The following HIPK2 variants were observed in gnomAD, a reference collection of about 807,000 sequenced individuals.
HIPK2 encodes the protein homeodomain interacting protein kinase 2.
In HIPK2, 27 loss-of-function variants were observed where a neutral mutation model predicts 113.7. The ratio of observed to expected loss-of-function variants is 0.24; its 90% CI spans 0.17 to 0.33. The LOEUF is 0.33. Ranked by LOEUF, HIPK2 falls within the 10% of genes least tolerant of loss-of-function variation. The pLI is 1.00. For missense variants in HIPK2, 1,257 were observed against 1,588.0 expected (o/e 0.79, Z 3.54); for synonymous variants, 631 against 642.2 (o/e 0.98, Z 0.26).
At chr7:139,611,529 A>G (rs1412409687) in intron 9 of HIPK2, among the ~76,000 whole-genome samples, 1 of 152,144 alleles carries the variant, frequency 6.6e-6, no homozygotes, top group Non-Finnish European at 1.5e-5. Flanking sequence ...AAACATGATA[A>G]AGTGTTTCTA....
intron 2 of HIPK2, among the ~76,000 whole-genome samples, chr7:139,662,214 G>A (rs1282562446): frequency 2.0e-5 from 3 of 152,108 alleles, no homozygotes; most frequent in Non-Finnish European, 4.4e-5. Flanking sequence ...TCCAGCCAGC[G>A]GCACCACTCT....
chr7:139,608,544 TC>T (rs1403005298), intron 9 of HIPK2, among the ~76,000 whole-genome samples: 3 of 151,972 alleles, frequency 2.0e-5, no homozygotes, highest in Non-Finnish European at 4.4e-5. Flanking sequence ...AAAAATAACT[TC>T]CCCAAAGCCA....
intron 13 of HIPK2, among the ~76,000 whole-genome samples, chr7:139,575,941 A>G (rs559621586): frequency 1.2e-4 from 19 of 152,316 alleles, no homozygotes; most frequent in Admixed American, 3.9e-4. Context: ...CTGTTCTTGG[A>G]CTTCCAGTCT....
At position 139,715,947 on chromosome 7, in the gene HIPK2, T is replaced by C. The variant is rs1308418473; in HGVS notation, c.1088A>G (p.Gln363Arg). 1 of 1,614,008 alleles carries C rather than the reference T, an allele frequency of 6.2e-7. No individual in the cohort carries two copies. Residue 363 changes from glutamine (Q) to arginine (R), a missense_variant, in exon 2 of 15, where the codon CAG becomes CGG. Coordinates refer to ENST00000406875, the MANE Select transcript of HIPK2 (RefSeq NM_022740.5). ...VSKAVCSTYLQSRYYRAPEII... is the reference protein window; with the variant it reads ...VSKAVCSTYLRSRYYRAPEII... The stretch of plus-strand genomic sequence containing the variant: ...ACGGTCTTACCTGTAATATCTGGAC[T>C]GCAAGTAGGTGGAGCACACAGCCTT...
rs1457025151 is a variant in HIPK2, at chr7:139,570,576, T to C, written c.*2351A>G. On this transcript the variant is annotated 3_prime_UTR_variant, in exon 15 of 15. Transcript: ENST00000406875. Reference sequence around the variant, plus strand: ...GTTTCCAGTTTGGGGACCTGTTTCTTTATAAGTAAGAATTTATGGTTGGGG... The same window carrying C: ...GTTTCCAGTTTGGGGACCTGTTTCTCTATAAGTAAGAATTTATGGTTGGGG... The C allele has an allele frequency of 6.6e-6, 1 of 152,276 alleles. No homozygotes were observed. Among genetic ancestry groups the C allele is most frequent in the African/African-American group, 2.4e-5 (1 of 41,444 alleles). The allele number at this position is 152,276 out of a possible 1,614,324, so 9.4% of individuals were successfully genotyped here.
At chr7:139,772,272 C>T (rs1182451552) in intron 1 of HIPK2, among the ~76,000 whole-genome samples, 5 of 152,166 alleles carry the variant, frequency 3.3e-5, no homozygotes, top group Non-Finnish European at 5.9e-5. Flanking sequence ...CTCAGCCAGG[C>T]GAAAAGGCTG....
Position 139,622,471 on chromosome 7 carries a change from A to C in HIPK2, c.1620-1908T>G, listed in dbSNP as rs372798027. ...TTGGTTTCGTGACAATTCAACACAAAATTTCCATACCCCTTCAGAATTTTC... is the reference window on the plus strand; with the variant it reads ...TTGGTTTCGTGACAATTCAACACAACATTTCCATACCCCTTCAGAATTTTC... On this transcript the variant is annotated intron_variant, in intron 6 of 14. Transcript: ENST00000406875. Among the ~76,000 whole-genome samples, 3 of 152,294 alleles carry C rather than the reference A, an allele frequency of 2.0e-5. No individual in the cohort carries two copies. In the South Asian group the frequency reaches 6.2e-4, roughly 32 times the overall value.
At position 139,630,365 on chromosome 7, in the gene HIPK2, C is replaced by T. The variant is rs569860310; in HGVS notation, c.1347+800G>A. Among the ~76,000 whole-genome samples the T allele has an allele frequency of 3.0e-4, 45 of 152,220 alleles. No homozygotes were observed. The highest frequency in any genetic ancestry group is 1.0e-3 in the African/African-American group (43 of 41,546). Reference sequence around the variant, plus strand: ...TAACCCCCATCACCCCAGCCGCCACCCCACACTTCTATACTGGGCAAACCC... The same window carrying T: ...TAACCCCCATCACCCCAGCCGCCACTCCACACTTCTATACTGGGCAAACCC... On this transcript the variant is annotated intron_variant, in intron 4 of 14. Transcript: ENST00000406875. The surrounding 1 kb of genome is among the most constrained non-coding windows in gnomAD (Gnocchi z 4.0).
chr7:139,683,461 A>G lies in HIPK2; in HGVS notation c.1103+32471T>C, dbSNP rs963877995. ...AGCTCCTCCCTACGGGGGCCTCCAC[A>G]GGACTGCTCACAACACGGGAGCCAA... On this transcript the variant is annotated intron_variant, in intron 2 of 14. Transcript: ENST00000406875. This position sits in a 1 kb window ranked among gnomAD's most constrained non-coding sequence, Gnocchi z 4.2. Among the ~76,000 whole-genome samples, 3 of 152,190 alleles carry G rather than the reference A, an allele frequency of 2.0e-5. No individual in the cohort carries two copies. Among genetic ancestry groups the G allele is most frequent in the African/African-American group, 7.2e-5 (3 of 41,442 alleles).
intron 9 of HIPK2, among the ~76,000 whole-genome samples, chr7:139,604,683 CAAAAAAAAAAAAAA>C (rs11353760): frequency 9.2e-4 from 45 of 48,806 alleles, no homozygotes; most frequent in Middle Eastern, 0.014. Context: ...GACTCCGTCT[CAAAAAAAAAAAAAA>C]AAAAAAAAAA....
At chr7:139,743,041 T>G (rs1429245332) in intron 1 of HIPK2, among the ~76,000 whole-genome samples, 1 of 152,088 alleles carries the variant, frequency 6.6e-6, no homozygotes, top group Non-Finnish European at 1.5e-5. Flanking sequence ...TGGAGGACAG[T>G]CTAGGTGGGA....
intron 2 of HIPK2, 110 bp downstream of exon 2, chr7:139,715,822 C>T (rs374867837): frequency 1.4e-6 from 2 of 1,417,626 alleles, no homozygotes. Context: ...CACTTGAAGG[C>T]AGGAACTGTA....
At chr7:139,764,913 A>G (rs944461753) in intron 1 of HIPK2, among the ~76,000 whole-genome samples, 1 of 152,198 alleles carries the variant, frequency 6.6e-6, no homozygotes, top group African/African-American at 2.4e-5. Flanking sequence ...AGGCAGGTGG[A>G]TCACCTGAAG....
rs934381100 is a variant in HIPK2 at position 139,564,278 on chromosome 7, T to C, written c.*8649A>G. ...GGAATAGGGGTATATGGTCCTCCCC[T>C]ACAAAACGCTGATCAAAATATCACC... On this transcript the variant is annotated 3_prime_UTR_variant, in exon 15 of 15. Transcript: ENST00000406875. 1.4e-5 allele frequency: 3 copies of C among 219,452 alleles called. No individual in the cohort carries two copies. The highest frequency in any genetic ancestry group is 5.8e-5 in the Admixed American group (1 of 17,280). 13.6% of individuals were successfully genotyped at this position (219,452 alleles called of 1,614,324 possible).
chr7:139,764,998 T>C (rs1333333376), intron 1 of HIPK2, among the ~76,000 whole-genome samples: 1 of 151,700 alleles, frequency 6.6e-6, no homozygotes, highest in Non-Finnish European at 1.5e-5. Context: ...TAGCCGGGCA[T>C]GGTGGCGGGT....
chr7:139,653,469 G>A (rs142045479), intron 2 of HIPK2, among the ~76,000 whole-genome samples: 144 of 150,966 alleles, frequency 9.5e-4, no homozygotes, highest in African/African-American at 3.2e-3. Context: ...CCGCCATCTC[G>A]TATGGTAAAA....
chr7:139,777,500 G>T, intron 1 of HIPK2, 105 bp downstream of exon 1: 1 of 350,828 alleles, frequency 2.9e-6, no homozygotes, highest in Non-Finnish European at 4.1e-6. Flanking sequence ...GGTGGGGGCT[G>T]GGGCAGGCGC....
intron 14 of HIPK2, 131 bp from the exon 15 acceptor site, chr7:139,573,528 T>A: frequency 1.2e-6 from 1 of 836,442 alleles, no homozygotes. Flanking sequence ...GGGGCTTCCC[T>A]CTGTGTGTTG....
At position 139,631,304 on chromosome 7, in the gene HIPK2, T is replaced by C. The variant is rs1800606548; in HGVS notation, c.1228-20A>G. The C allele has an allele frequency of 6.3e-7, 1 of 1,599,196 alleles. No individual in the cohort carries two copies. The highest frequency in any genetic ancestry group is 1.3e-5 in the African/African-American group (1 of 74,704). ...CCGAATCTGCAAGAAAAGATAAGAA[T>C]GAGGTCAGGGCTTTTCCTGTCACTA... On this transcript the variant is annotated intron_variant, in intron 3 of 14. Coordinates refer to ENST00000406875, the MANE Select transcript of HIPK2 (RefSeq NM_022740.5). This position sits in a 1 kb window ranked among gnomAD's most constrained non-coding sequence, Gnocchi z 4.9.
Sources: allele counts gnomAD v4.1 joint callset (sites outside exome capture counted in the v4.1 genomes callset), GRCh38; gene constraint gnomAD v4.1.1; non-coding constraint Gnocchi (gnomAD v3.1); transcripts MANE v1.5; gene names NCBI Gene and HGNC (gene_info 2026-07-23, HGNC 2026-07-21).